B4GALNT3: variants seen among roughly 807,000 people sequenced by gnomAD.
B4GALNT3 encodes beta-1,4-N-acetyl-galactosaminyltransferase 3.
A neutral mutation model predicts 120.2 loss-of-function variants in B4GALNT3; 86 were observed. The ratio of observed to expected loss-of-function variants is 0.72; its 90% CI spans 0.60 to 0.86. The LOEUF (loss-of-function observed/expected upper bound fraction) is 0.86. Ranked by LOEUF, B4GALNT3 falls within the 40% of genes least tolerant of loss-of-function variation. B4GALNT3 has a pLI of 0.00. For synonymous variants in B4GALNT3, 518 were observed against 510.4 expected (o/e 1.01, Z -0.20); for missense variants, 1,167 against 1,298.9 (o/e 0.90, Z 1.56).
rs1234164471 is a variant in B4GALNT3, at chr12:558,008, TC to T, written c.2535-6del. On this transcript the variant is annotated splice_polypyrimidine_tract_variant and splice_region_variant and intron_variant, in intron 16 of 19. Coordinates refer to ENST00000266383, the MANE Select transcript of B4GALNT3 (RefSeq NM_173593.4). ...CCTGATACGCAGCCCTCTCTCCCCT[TC>T]CTGCAGCTACCAGTACGTGAAGCTA... 6.2e-7 allele frequency: 1 copy of T among 1,613,916 alleles called. No homozygotes were observed. Among genetic ancestry groups the T allele is most frequent in the East Asian group, 2.2e-5 (1 of 44,880 alleles).
intron 1 of B4GALNT3, among the ~76,000 whole-genome samples, chr12:482,613 A>G (rs1309948962): frequency 6.6e-6 from 1 of 152,208 alleles, no homozygotes; most frequent in Non-Finnish European, 1.5e-5. Flanking sequence ...AAAACCAAGG[A>G]AACCATTCAG....
chr12:552,386 C>T (rs1947095056), intron 12 of B4GALNT3, 81 bp from the exon 13 acceptor site: 3 of 1,424,666 alleles, frequency 2.1e-6, no homozygotes, highest in Non-Finnish European at 3.0e-6. Context: ...AAACGTCAGA[C>T]TCCTGCTGAG....
chr12:467,449 C>T (rs950322607), intron 1 of B4GALNT3, among the ~76,000 whole-genome samples: 10 of 152,122 alleles, frequency 6.6e-5, no homozygotes, highest in Non-Finnish European at 1.3e-4. Context: ...GTCCCAGCTA[C>T]TCGGGAGGCT....
chr12:545,540 C>T, intron 6 of B4GALNT3, 71 bp downstream of exon 6: 4 of 1,410,332 alleles, frequency 2.8e-6, no homozygotes, highest in Non-Finnish European at 3.9e-6. Flanking sequence ...CCAGCAGCTG[C>T]TCATTACTGT....
At chr12:479,483 G>A (rs1165125290) in intron 1 of B4GALNT3, among the ~76,000 whole-genome samples, 1 of 152,128 alleles carries the variant, frequency 6.6e-6, no homozygotes, top group African/African-American at 2.4e-5. Flanking sequence ...ATATACTTAG[G>A]GGACCTTTGG....
chr12:557,769 G>A lies in B4GALNT3; in HGVS notation c.2534+8G>A, dbSNP rs777676066. On this transcript the variant is annotated splice_region_variant and intron_variant, in intron 16 of 19. Transcript: ENST00000266383. ...GAGGTCCAAGCTGCGGAGGTGAGGG[G>A]GACCACCAGCCAGGGGGTGGCATGG... is the stretch of plus-strand genomic sequence containing the variant. The A allele has an allele frequency of 1.9e-6, 3 of 1,597,504 alleles. No homozygotes were observed. Among genetic ancestry groups the A allele is most frequent in the Middle Eastern group, 2.1e-4 (1 of 4,758 alleles).
chr12:495,673 G>C (rs1252408603), intron 1 of B4GALNT3, among the ~76,000 whole-genome samples: 1 of 152,166 alleles, frequency 6.6e-6, no homozygotes, highest in Non-Finnish European at 1.5e-5. Context: ...CTGCGTGCCT[G>C]AGGGGAAGGC....
chr12:509,540 C>T (rs938700396), intron 1 of B4GALNT3, among the ~76,000 whole-genome samples: 3 of 152,222 alleles, frequency 2.0e-5, no homozygotes, highest in African/African-American at 4.8e-5. Context: ...TTTCATTGAC[C>T]TAAATCAGGT....
intron 1 of B4GALNT3, among the ~76,000 whole-genome samples, chr12:495,436 C>T (rs750041373): frequency 2.0e-5 from 3 of 152,148 alleles, no homozygotes; most frequent in African/African-American, 4.8e-5. Flanking sequence ...CTCCGCCAAA[C>T]GTACCGTAAG....
chr12:520,708 T>C (rs1253089735), intron 1 of B4GALNT3, among the ~76,000 whole-genome samples: 1 of 152,250 alleles, frequency 6.6e-6, no homozygotes, highest in Non-Finnish European at 1.5e-5. Context: ...GGAGAATCTC[T>C]TGAACCTGGG....
rs112518830 is a variant in B4GALNT3 at position 490,314 on chromosome 12, C to G, written c.169+29769C>G. The stretch of plus-strand genomic sequence containing the variant: ...AAGTTAATAAGACCAAAAGCTGTTT[C>G]TTTAAAAAGATCAGTAAGATTGATA... On this transcript the variant is annotated intron_variant, in intron 1 of 19. Coordinates refer to ENST00000266383, the MANE Select transcript of B4GALNT3 (RefSeq NM_173593.4). Among the ~76,000 whole-genome samples the G allele has an allele frequency of 1.8e-3, 270 of 152,100 alleles. 2 individuals carry two copies. The highest frequency in any genetic ancestry group is 6.1e-3 in the African/African-American group (252 of 41,514).
intron 1 of B4GALNT3, among the ~76,000 whole-genome samples, chr12:470,923 T>G (rs1436124398): frequency 6.6e-6 from 1 of 151,490 alleles, no homozygotes; most frequent in African/African-American, 2.4e-5. Context: ...ATTTTTAGGT[T>G]TCGCCATGTT....
chr12:541,839 T>TC (rs1946919879), intron 3 of B4GALNT3, among the ~76,000 whole-genome samples: 20 of 42,986 alleles, frequency 4.7e-4, no homozygotes, highest in African/African-American at 8.0e-4. Flanking sequence ...GTCCCCCCCC[T>TC]CACCCCCCCC....
intron 13 of B4GALNT3, 43 bp from the exon 14 acceptor site, chr12:553,151 G>T: frequency 5.0e-6 from 8 of 1,596,804 alleles, no homozygotes; most frequent in South Asian, 1.1e-5. Context: ...TTTGGAAAGG[G>T]TTGGAAACTC....
chr12:478,846 C>T (rs777217971), intron 1 of B4GALNT3, among the ~76,000 whole-genome samples: 3 of 152,214 alleles, frequency 2.0e-5, no homozygotes, highest in Non-Finnish European at 2.9e-5. Context: ...CTGTGGTTAC[C>T]TTCAGGATCA....
At position 460,205 on chromosome 12, in the gene B4GALNT3, G is replaced by C. The variant is rs1565584061; in HGVS notation, c.-172G>C. ...CCCGCGCAGCCCGGAGACCCCTCGC[G>C]CCCGGAGCATGAGCCCGAGCCCCGC... On this transcript the variant is annotated 5_prime_UTR_variant, in exon 1 of 20. Transcript: ENST00000266383. This position sits in a 1 kb window ranked among gnomAD's most constrained non-coding sequence, Gnocchi z 8.0. Among the ~76,000 whole-genome samples the C allele has an allele frequency of 6.7e-6, 1 of 150,370 alleles. No individual in the cohort carries two copies. The highest frequency in any genetic ancestry group is 6.6e-5 in the Admixed American group (1 of 15,142).
chr12:479,235 A>G (rs951070575), intron 1 of B4GALNT3, among the ~76,000 whole-genome samples: 2 of 152,044 alleles, frequency 1.3e-5, no homozygotes, highest in African/African-American at 4.8e-5. Flanking sequence ...TAAATGAAGC[A>G]GGGTCTCACC....
chr12:551,296 A>G (rs915736024), intron 11 of B4GALNT3, among the ~76,000 whole-genome samples: 1 of 152,214 alleles, frequency 6.6e-6, no homozygotes. Flanking sequence ...CCGTGATGAT[A>G]TCAGGTGGCC....
chr12:516,847 G>T (rs1013612784), intron 1 of B4GALNT3, among the ~76,000 whole-genome samples: 3 of 152,182 alleles, frequency 2.0e-5, no homozygotes, highest in Non-Finnish European at 4.4e-5. Flanking sequence ...GACTGGAGTG[G>T]TGGAGACGGA....
Sources: allele counts gnomAD v4.1 joint callset (sites outside exome capture counted in the v4.1 genomes callset), GRCh38; gene constraint gnomAD v4.1.1; non-coding constraint Gnocchi (gnomAD v3.1); transcripts MANE v1.5; gene names NCBI Gene and HGNC (gene_info 2026-07-23, HGNC 2026-07-21).